Variants in ZNF627 observed in about 807,000 individuals in gnomAD.
The protein encoded by ZNF627 is zinc finger protein 627.
In ZNF627, 12 loss-of-function variants were observed where a neutral mutation model predicts 10.6. The ratio of observed to expected loss-of-function variants is 1.13; its 90% CI spans 0.73 to 1.84. The LOEUF is 1.84. ZNF627 is among the 40% of genes most tolerant of loss of function. The pLI is 0.00. For missense variants in ZNF627, 504 were observed against 568.4 expected, an observed-to-expected ratio of 0.89 and a Z score of 1.15; for synonymous variants, 176 against 187.1, an observed-to-expected ratio of 0.94 and a Z score of 0.48.
At chr19:11,598,763 GCTTT>G (rs1973535401) in intron 1 of ZNF627, among the ~76,000 whole-genome samples, 1 of 152,116 alleles carries the variant, frequency 6.6e-6, no homozygotes, top group Non-Finnish European at 1.5e-5. Context: ...AAAAATATTT[GCTTT>G]CTGTTTCTGA....
At chr19:11,605,474 G>A (rs1422201279) in intron 1 of ZNF627, among the ~76,000 whole-genome samples, 1 of 152,080 alleles carries the variant, frequency 6.6e-6, no homozygotes, top group Non-Finnish European at 1.5e-5. Context: ...GAGGCCTCAG[G>A]AAACTTACAA....
intron 1 of ZNF627, among the ~76,000 whole-genome samples, chr19:11,603,095 A>G (rs1231288798): frequency 2.6e-5 from 4 of 152,088 alleles, no homozygotes; most frequent in Non-Finnish European, 5.9e-5. Context: ...TACCATTAAT[A>G]TTATGCCAAA....
In ZNF627 at chr19:11,617,339, A is replaced by C. The variant is rs765255555; in HGVS notation, c.836A>C (p.Tyr279Ser). 1.2e-6 allele frequency: 2 copies of C among 1,613,928 alleles called. No homozygotes were observed. Among genetic ancestry groups the C allele is most frequent in the Admixed American group, 3.3e-5 (2 of 59,982 alleles). ...HERTHTGEKP[Y>S]ECKQCGKAFR... The stretch of plus-strand genomic sequence containing the variant: ...CGAACTCACACAGGAGAGAAACCCT[A>C]CGAATGTAAACAGTGCGGTAAAGCC... Residue 279 changes from tyrosine to serine, a missense_variant, in exon 4 of 4, where the codon TAC becomes TCC. Coordinates refer to ENST00000361113, the MANE Select transcript of ZNF627 (RefSeq NM_145295.4).
At chr19:11,603,849 C>A (rs985098334) in intron 1 of ZNF627, among the ~76,000 whole-genome samples, 1 of 151,870 alleles carries the variant, frequency 6.6e-6, no homozygotes, top group Admixed American at 6.6e-5. Flanking sequence ...GCTCTGTCAC[C>A]CAGGCTTGAG....
intron 1 of ZNF627, among the ~76,000 whole-genome samples, chr19:11,610,598 G>A (rs1208570054): frequency 6.6e-6 from 1 of 152,056 alleles, no homozygotes; most frequent in African/African-American, 2.4e-5. Flanking sequence ...GTAAGACCCT[G>A]TCTAAAAACA....
intron 1 of ZNF627, among the ~76,000 whole-genome samples, chr19:11,610,286 A>G (rs572987272): frequency 2.0e-5 from 3 of 152,126 alleles, no homozygotes; most frequent in Non-Finnish European, 4.4e-5. Flanking sequence ...TGAGTATCCT[A>G]ATTTCTGAAA....
chr19:11,597,517 T>A lies in ZNF627; in HGVS notation c.-111T>A. ...GACCGTCCCCACCCGGGCTCGCGTC[T>A]CCGTTTCTCCGAGAGGCCCAAGGTG... On this transcript the variant is annotated 5_prime_UTR_variant, in exon 1 of 4. Transcript: ENST00000361113. 8.4e-7 allele frequency: 1 copy of A among 1,184,332 alleles called. No individual in the cohort carries two copies. The highest frequency in any genetic ancestry group is 1.1e-6 in the Non-Finnish European group (1 of 923,458). The allele number at this position is 1,184,332 out of a possible 1,614,324, so 73.4% of individuals were successfully genotyped here. A position where few individuals can be genotyped will look rare whatever the true frequency, so the allele number is the denominator to read the frequency against.
At chr19:11,604,571 G>GGGCCCAGCAGAATGGCATGTGT (rs1174751030) in intron 1 of ZNF627, among the ~76,000 whole-genome samples, 1 of 152,198 alleles carries the variant, frequency 6.6e-6, no homozygotes, top group Non-Finnish European at 1.5e-5. Context: ...AGACTTGGGT[G>GGGCCCAGCAGAATGGCATGTGT]GGCCCAGCAG....
At chr19:11,603,792 G>A (rs1973628011) in intron 1 of ZNF627, among the ~76,000 whole-genome samples, 1 of 151,740 alleles carries the variant, frequency 6.6e-6, no homozygotes, top group Non-Finnish European at 1.5e-5. Flanking sequence ...TCCTCCACAG[G>A]TGATTGTTTT....
chr19:11,612,843 TG>T (rs1267286629), intron 1 of ZNF627, among the ~76,000 whole-genome samples: 1 of 151,666 alleles, frequency 6.6e-6, no homozygotes, highest in African/African-American at 2.4e-5. Context: ...TGCGTGTTAC[TG>T]GGGGTTGGTG....
intron 1 of ZNF627, among the ~76,000 whole-genome samples, chr19:11,608,144 G>A (rs1050792154): frequency 1.3e-5 from 2 of 152,164 alleles, no homozygotes; most frequent in Non-Finnish European, 2.9e-5. Flanking sequence ...AGTGGCAAAA[G>A]CCACTTATGA....
Position 11,606,116 on chromosome 19 carries a change from C to T in ZNF627, c.4-8411C>T, listed in dbSNP as rs139947291. On this transcript the variant is annotated intron_variant, in intron 1 of 3. Transcript: ENST00000361113. ...CAGCACTTTGGGAGGCCGAGGCAAG[C>T]GGATCATGAGGTCAGGAGATCAAGA... 6.0e-3 allele frequency among the ~76,000 whole-genome samples: 915 copies of T among 152,082 alleles called. 3 individuals are homozygous for T. The highest frequency in any genetic ancestry group is 0.01 in the Middle Eastern group (3 of 294).
intron 1 of ZNF627, among the ~76,000 whole-genome samples, chr19:11,601,550 G>A (rs1248097674): frequency 6.6e-6 from 1 of 152,002 alleles, no homozygotes; most frequent in Non-Finnish European, 1.5e-5. Context: ...ACGTTGTTAT[G>A]TTGCCCAGAC....
At chr19:11,599,208 G>A (rs1036008662) in intron 1 of ZNF627, among the ~76,000 whole-genome samples, 6 of 152,150 alleles carry the variant, frequency 3.9e-5, no homozygotes, top group Non-Finnish European at 7.3e-5. Flanking sequence ...TGGACAGCCT[G>A]AAGTACGGGG....
At chr19:11,601,949 T>G (rs1266938741) in intron 1 of ZNF627, among the ~76,000 whole-genome samples, 2 of 135,624 alleles carry the variant, frequency 1.5e-5, no homozygotes, top group Non-Finnish European at 3.0e-5. Context: ...GAGGTTGCAG[T>G]GAGCCGAGAT....
At chr19:11,608,061 A>G (rs1973704533) in intron 1 of ZNF627, among the ~76,000 whole-genome samples, 1 of 152,212 alleles carries the variant, frequency 6.6e-6, no homozygotes, top group Admixed American at 6.5e-5. Context: ...GCCTCAGGAA[A>G]CTTAATCATG....
At chr19:11,603,358 C>T (rs1973620237) in intron 1 of ZNF627, among the ~76,000 whole-genome samples, 1 of 149,656 alleles carries the variant, frequency 6.7e-6, no homozygotes, top group Non-Finnish European at 1.5e-5. Flanking sequence ...TCTTGGCTCA[C>T]CGCAACCTCT....
chr19:11,601,548 A>G (rs1419506258), intron 1 of ZNF627, among the ~76,000 whole-genome samples: 1 of 151,982 alleles, frequency 6.6e-6, no homozygotes, highest in African/African-American at 2.4e-5. Context: ...GGACGTTGTT[A>G]TGTTGCCCAG....
At chr19:11,604,519 G>T (rs950149272) in intron 1 of ZNF627, among the ~76,000 whole-genome samples, 1 of 152,156 alleles carries the variant, frequency 6.6e-6, no homozygotes, top group African/African-American at 2.4e-5. Flanking sequence ...TGGGTTTGTG[G>T]GTGGGAGGTA....
Sources: gnomAD v4.1 joint callset for allele counts (sites outside exome capture counted in the v4.1 genomes callset) on GRCh38, gnomAD v4.1.1 for gene constraint, MANE v1.5 for transcripts, NCBI Gene and HGNC (gene_info 2026-07-23, HGNC 2026-07-21) for gene names.